The following DNAJC13 variants were observed in gnomAD, a reference collection of about 807,000 sequenced individuals.
The protein encoded by DNAJC13 is DnaJ heat shock protein family (Hsp40) member C13.
Under a neutral mutation model 290.5 loss-of-function variants are expected in DNAJC13, and 75 were observed. The observed-to-expected ratio is 0.26, with a 90% CI of 0.21 to 0.31. The LOEUF (loss-of-function observed/expected upper bound fraction) is 0.31, where lower values mean the gene tolerates loss of function less well. Ranked by LOEUF, DNAJC13 falls within the 10% of genes least tolerant of loss-of-function variation. The pLI, the probability that DNAJC13 is intolerant of heterozygous loss-of-function variation, is 1.00. For missense variants in DNAJC13, 2,260 were observed against 2,674.5 expected, an observed-to-expected ratio of 0.85 and a Z score of 3.42; for synonymous variants, 862 against 892.0, an observed-to-expected ratio of 0.97 and a Z score of 0.60.
Position 132,538,328 on chromosome 3 carries a change from C to T in DNAJC13, c.*46C>T, listed in dbSNP as rs369588055. On this transcript the variant is annotated 3_prime_UTR_variant, in exon 56 of 56. Transcript: ENST00000260818. ...AACGCTGAAAGGCCAGTGCCAAGTC[C>T]ACATTCCTCCAGCTGATACGTTGAA... 2.2e-5 allele frequency: 32 copies of T among 1,481,326 alleles called. 1 individual carries two copies. The South Asian group carries it at 3.7e-4, about 17-fold the overall frequency. The allele number at this position is 1,481,326 out of a possible 1,614,324, so 91.8% of individuals were successfully genotyped here. A position where few individuals can be genotyped will look rare whatever the true frequency, so the allele number is the denominator to read the frequency against.
intron 6 of DNAJC13, among the ~76,000 whole-genome samples, chr3:132,451,094 C>T (rs546606292): frequency 2.0e-5 from 3 of 152,234 alleles, no homozygotes; most frequent in Non-Finnish European, 4.4e-5. Flanking sequence ...TGGCTTAGTA[C>T]GGTAAACAGT....
intron 19 of DNAJC13, 29 bp downstream of exon 19, chr3:132,466,423 T>C (rs768485963): frequency 4.5e-5 from 70 of 1,540,150 alleles, no homozygotes; most frequent in Non-Finnish European, 5.8e-5. Context: ...AGTGTGCCTT[T>C]TTTAGGAGTA....
rs955796133 is a variant in DNAJC13, at chr3:132,447,582, A to T, written c.294+112A>T. 8.9e-6 allele frequency: 10 copies of T among 1,127,244 alleles called. No homozygotes were observed. The African/African-American group carries it at 1.6e-4, about 19-fold the overall frequency. The allele number at this position is 1,127,244 out of a possible 1,614,324, so 69.8% of individuals were successfully genotyped here. ...CTCTGCCCCTGTACCCACTATGATT[A>T]TTTTTTTCTTACTGACCTTTAACTT... is the stretch of plus-strand genomic sequence containing the variant. On this transcript the variant is annotated intron_variant, in intron 4 of 55. Coordinates refer to ENST00000260818, the MANE Select transcript of DNAJC13 (RefSeq NM_015268.4).
At chr3:132,521,229 T>A (rs1319605720) in intron 48 of DNAJC13, among the ~76,000 whole-genome samples, 1 of 151,198 alleles carries the variant, frequency 6.6e-6, no homozygotes, top group Non-Finnish European at 1.5e-5. Context: ...AGAGACCCCA[T>A]CTCTTAAAAA....
intron 2 of DNAJC13, among the ~76,000 whole-genome samples, chr3:132,437,427 A>AC (rs1485329016): frequency 6.6e-6 from 1 of 152,196 alleles, no homozygotes; most frequent in Non-Finnish European, 1.5e-5. Context: ...ACCCAAGCTA[A>AC]CAAAGATTTA....
At chr3:132,505,088 C>T (rs944884441) in intron 41 of DNAJC13, among the ~76,000 whole-genome samples, 1 of 152,070 alleles carries the variant, frequency 6.6e-6, no homozygotes, top group Non-Finnish European at 1.5e-5. Flanking sequence ...AGATCTGGGA[C>T]AAATAATTTA....
chr3:132,423,904 A>G (rs960762596), intron 1 of DNAJC13, among the ~76,000 whole-genome samples: 1 of 152,226 alleles, frequency 6.6e-6, no homozygotes, highest in Non-Finnish European at 1.5e-5. Context: ...TATGGCTGCT[A>G]AAAATTTCTT....
Position 132,495,222 on chromosome 3 carries a change from T to C in DNAJC13, c.4020+56T>C. The C allele has an allele frequency of 4.3e-6, 6 of 1,391,806 alleles. No homozygotes were observed. In the Admixed American group the frequency reaches 1.0e-4, roughly 24 times the overall value. 86.2% of individuals were successfully genotyped at this position (1,391,806 alleles called of 1,614,324 possible). A position where few individuals can be genotyped will look rare whatever the true frequency, so the allele number is the denominator to read the frequency against. On this transcript the variant is annotated intron_variant, in intron 35 of 55. Coordinates refer to ENST00000260818, the MANE Select transcript of DNAJC13 (RefSeq NM_015268.4). ...GGCTTCCTCTTGCTCTATTATTATG[T>C]AGTTGGAGAAAAGTATATTACCTTC...
intron 1 of DNAJC13, among the ~76,000 whole-genome samples, chr3:132,422,225 C>T (rs1479355778): frequency 9.9e-5 from 15 of 151,382 alleles, no homozygotes; most frequent in East Asian, 5.9e-4. Flanking sequence ...TTAGTAGAGA[C>T]GAGGTCTCAC....
chr3:132,449,778 C>T (rs1933364545), intron 5 of DNAJC13, among the ~76,000 whole-genome samples: 2 of 152,156 alleles, frequency 1.3e-5, no homozygotes, highest in Admixed American at 1.3e-4. Context: ...TGTAATTGAC[C>T]ATGTATCCCA....
chr3:132,449,335 G>A (rs1016820940), intron 5 of DNAJC13, among the ~76,000 whole-genome samples: 12 of 152,226 alleles, frequency 7.9e-5, no homozygotes, highest in African/African-American at 2.9e-4. Flanking sequence ...CTCATTAATG[G>A]CAGTTGTTTA....
At chr3:132,505,508 T>C (rs1935556164) in intron 42 of DNAJC13, 93 bp downstream of exon 42, 1 of 820,562 alleles carries the variant, frequency 1.2e-6, no homozygotes, top group Admixed American at 2.7e-5. Flanking sequence ...ATCCACTACT[T>C]CTCACTTTAG....
Position 132,492,520 on chromosome 3 carries a change from T to G in DNAJC13, c.3730T>G (p.Tyr1244Asp). ...GTATTGCCCCATTCCTATAATCAAC[T>G]ATCCACAACTCGAAAATGAACTATT... ...YQYCPIPIINYPQLENELFCN... is the reference protein window; with the variant it reads ...YQYCPIPIINDPQLENELFCN... Residue 1244 changes from tyrosine to aspartate, a missense_variant, in exon 33 of 56, where the codon TAT (tyrosine) becomes GAT (aspartate). Transcript: ENST00000260818. The G allele has an allele frequency of 6.2e-7, 1 of 1,613,832 alleles. No individual in the cohort carries two copies. Among genetic ancestry groups the G allele is most frequent in the Non-Finnish European group, 8.5e-7 (1 of 1,179,832 alleles).
In DNAJC13 at chr3:132,454,083, T is replaced by C. The variant is rs1933507347; in HGVS notation, c.858T>C (p.Cys286=). The C allele has an allele frequency of 6.2e-7, 1 of 1,608,448 alleles. No individual in the cohort carries two copies. Among genetic ancestry groups the C allele is most frequent in the African/African-American group, 1.3e-5 (1 of 74,586 alleles). The change falls in exon 9 of 56, where the codon TGT becomes TGC. Residue 286 remains cysteine, a synonymous_variant. Coordinates refer to ENST00000260818, the MANE Select transcript of DNAJC13 (RefSeq NM_015268.4). ...TTCATTAGGTATTTGCGTTGGTCTG[T>C]GACTCAGAAAATCCACAACTTTTTA... ...KPLGEVFALV[C]DSENPQLFTI...
chr3:132,481,818 C>T (rs1212840770), intron 26 of DNAJC13, among the ~76,000 whole-genome samples: 2 of 152,042 alleles, frequency 1.3e-5, no homozygotes, highest in African/African-American at 2.4e-5. Flanking sequence ...GAGTTTTTCC[C>T]CCAAAATAAC....
intron 16 of DNAJC13, 43 bp from the exon 17 acceptor site, chr3:132,463,653 C>G (rs1258106922): frequency 1.3e-5 from 20 of 1,570,452 alleles, no homozygotes; most frequent in Non-Finnish European, 1.7e-5. Flanking sequence ...GATAGCTTGT[C>G]CTGGATTGCC....
intron 36 of DNAJC13, among the ~76,000 whole-genome samples, chr3:132,498,573 GA>G (rs1376871481): frequency 6.6e-6 from 1 of 152,044 alleles, no homozygotes; most frequent in Non-Finnish European, 1.5e-5. Context: ...AAACATTTTA[GA>G]AAAATCAACC....
intron 34 of DNAJC13, among the ~76,000 whole-genome samples, chr3:132,494,529 C>CATG (rs1215983148): frequency 6.6e-6 from 1 of 152,126 alleles, no homozygotes; most frequent in East Asian, 1.9e-4. Flanking sequence ...ATATCTGACA[C>CATG]ATGGTAGCCA....
intron 20 of DNAJC13, among the ~76,000 whole-genome samples, chr3:132,467,698 C>G (rs1379091642): frequency 3.9e-5 from 6 of 152,140 alleles, no homozygotes. Flanking sequence ...ATCTCCTGAC[C>G]TCGTGATCCG....
Sources: allele counts gnomAD v4.1 joint callset (sites outside exome capture counted in the v4.1 genomes callset), GRCh38; gene constraint gnomAD v4.1.1; transcripts MANE v1.5; gene names NCBI Gene and HGNC (gene_info 2026-07-23, HGNC 2026-07-21).